The following ANKS1B variants were observed in gnomAD, a reference collection of about 807,000 sequenced individuals.
The protein encoded by ANKS1B is ankyrin repeat and sterile alpha motif domain-containing protein 1B.
A neutral mutation model predicts 148.3 loss-of-function variants in ANKS1B; 36 were observed. That is an observed-to-expected ratio of 0.24 (90% CI 0.19 to 0.32). The LOEUF (loss-of-function observed/expected upper bound fraction) is 0.32. ANKS1B is among the 10% of genes least tolerant of loss of function. ANKS1B has a pLI of 1.00. For synonymous variants in ANKS1B, 542 were observed against 560.8 expected (o/e 0.97, Z 0.47); for missense variants, 1,157 against 1,542.6 (o/e 0.75, Z 4.19).
At chr12:99,042,509 C>CA (rs1483720149) in intron 17 of ANKS1B, among the ~76,000 whole-genome samples, 3 of 152,180 alleles carry the variant, frequency 2.0e-5, no homozygotes, top group African/African-American at 7.2e-5. Flanking sequence ...GACCCACAAA[C>CA]TGTAAGCTCA....
chr12:99,623,284 C>A (rs1358102644), intron 9 of ANKS1B, among the ~76,000 whole-genome samples: 1 of 151,720 alleles, frequency 6.6e-6, no homozygotes, highest in Non-Finnish European at 1.5e-5. Flanking sequence ...CTATAACAAA[C>A]CCACAGCTAA....
At chr12:99,006,139 A>G (rs1381695986) in intron 17 of ANKS1B, among the ~76,000 whole-genome samples, 1 of 152,314 alleles carries the variant, frequency 6.6e-6, no homozygotes, top group African/African-American at 2.4e-5. Context: ...GATAGGCTGC[A>G]TGGGGCTGTG....
chr12:99,564,038 C>T (rs1293400579), intron 9 of ANKS1B, among the ~76,000 whole-genome samples: 1 of 152,088 alleles, frequency 6.6e-6, no homozygotes, highest in Non-Finnish European at 1.5e-5. Context: ...CACTTATTCA[C>T]TCGGTTCTCT....
intron 17 of ANKS1B, among the ~76,000 whole-genome samples, chr12:98,934,498 TA>T (rs1204265771): frequency 1.3e-5 from 2 of 152,090 alleles, no homozygotes; most frequent in African/African-American, 2.4e-5. Context: ...TCTATTTATG[TA>T]AAAAAATGCC....
chr12:99,694,731 A>C (rs1253964890), intron 8 of ANKS1B, among the ~76,000 whole-genome samples: 3 of 152,194 alleles, frequency 2.0e-5, no homozygotes, highest in Non-Finnish European at 4.4e-5. Context: ...CATACCAAAA[A>C]TTAATAATTA....
chr12:99,214,113 A>G, intron 14 of ANKS1B, among the ~76,000 whole-genome samples: 1 of 148,582 alleles, frequency 6.7e-6, no homozygotes, highest in East Asian at 2.0e-4. Flanking sequence ...CAAGAATGGC[A>G]TAAGATTCAA....
chr12:99,538,688 G>A (rs1444154162), intron 9 of ANKS1B, among the ~76,000 whole-genome samples: 1 of 152,104 alleles, frequency 6.6e-6, no homozygotes, highest in Non-Finnish European at 1.5e-5. Flanking sequence ...CTGCAAACAA[G>A]GATAATTTGA....
chr12:99,671,828 C>A (rs1269869512), intron 8 of ANKS1B, among the ~76,000 whole-genome samples: 2 of 152,036 alleles, frequency 1.3e-5, no homozygotes, highest in Admixed American at 6.6e-5. Context: ...TAAAATGCTT[C>A]TTTTGTATGC....
chr12:99,356,360 T>A (rs2091980984), intron 12 of ANKS1B, among the ~76,000 whole-genome samples: 1 of 152,142 alleles, frequency 6.6e-6, no homozygotes, highest in Non-Finnish European at 1.5e-5. Flanking sequence ...CTCTGGAGTC[T>A]CTCCTCTATG....
chr12:99,570,364 T>C (rs2097440143), intron 9 of ANKS1B, among the ~76,000 whole-genome samples: 1 of 151,400 alleles, frequency 6.6e-6, no homozygotes, highest in Admixed American at 6.6e-5. Context: ...TGAAGGCGGA[T>C]AGGCCGGGCA....
intron 17 of ANKS1B, among the ~76,000 whole-genome samples, chr12:98,962,487 T>C (rs961126360): frequency 6.6e-6 from 1 of 151,778 alleles, no homozygotes; most frequent in Non-Finnish European, 1.5e-5. Flanking sequence ...AAGATAGACC[T>C]GAATACAATA....
chr12:99,259,391 C>T (rs7954551), intron 12 of ANKS1B, among the ~76,000 whole-genome samples: 13,213 of 152,234 alleles, frequency 0.087, 1,306 homozygotes, highest in African/African-American at 0.25. Context: ...GAAAAGCCAC[C>T]CAGGTAAGCT....
intron 8 of ANKS1B, among the ~76,000 whole-genome samples, chr12:99,672,409 AC>A (rs2098542214): frequency 6.6e-6 from 1 of 152,140 alleles, no homozygotes; most frequent in African/African-American, 2.4e-5. Flanking sequence ...CGTAACTCTG[AC>A]CAAACAGAAC....
At chr12:99,252,595 A>G (rs17029156) in intron 12 of ANKS1B, among the ~76,000 whole-genome samples, 49,201 of 152,056 alleles carry the variant, frequency 0.32, 9,490 homozygotes, top group African/African-American at 0.54. Context: ...ATCAGCAGTG[A>G]TGCAGCTATA....
At chr12:98,792,263 C>T (rs1399973381) in intron 22 of ANKS1B, among the ~76,000 whole-genome samples, 3 of 152,150 alleles carry the variant, frequency 2.0e-5, no homozygotes, top group Non-Finnish European at 2.9e-5. Context: ...ATTTCTACCT[C>T]ATCTTAGTTG....
chr12:99,030,879 G>A (rs1020095423), intron 17 of ANKS1B, among the ~76,000 whole-genome samples: 2 of 152,156 alleles, frequency 1.3e-5, no homozygotes, highest in Non-Finnish European at 2.9e-5. Flanking sequence ...TGAGACCACA[G>A]TGCAATCAAG....
At chr12:99,836,312 G>A (rs1167944429) in intron 1 of ANKS1B, among the ~76,000 whole-genome samples, 1 of 151,778 alleles carries the variant, frequency 6.6e-6, no homozygotes, top group African/African-American at 2.4e-5. Context: ...ATTTCTTAAA[G>A]ATATCTTGCC....
intron 9 of ANKS1B, chr12:99,649,511 T>A: frequency 1.3e-6 from 1 of 781,852 alleles, no homozygotes; most frequent in South Asian, 1.6e-5. Flanking sequence ...GTGATGACAG[T>A]AAGCACCACC....
At chr12:98,971,267 T>C (rs905172466) in intron 17 of ANKS1B, among the ~76,000 whole-genome samples, 8 of 152,254 alleles carry the variant, frequency 5.3e-5, no homozygotes, top group Non-Finnish European at 1.2e-4. Context: ...TCTATCATCC[T>C]ACATTAATTA....
Sources: allele counts gnomAD v4.1 joint callset (sites outside exome capture counted in the v4.1 genomes callset), GRCh38; gene constraint gnomAD v4.1.1; transcripts MANE v1.5; gene names NCBI Gene and HGNC (gene_info 2026-07-23, HGNC 2026-07-21).